NISCH: variants seen among roughly 807,000 people sequenced by gnomAD.
NISCH encodes the protein I-1 receptor candidate protein.
A neutral mutation model predicts 138.4 loss-of-function variants in NISCH; 55 were observed. That is an observed-to-expected ratio of 0.40 (90% confidence interval 0.32 to 0.50). The LOEUF is 0.50. Among genes scored for constraint, NISCH ranks in the 20% least tolerant of loss-of-function variants. The pLI, the probability that NISCH is intolerant of heterozygous loss-of-function variation, is 0.71. For missense variants in NISCH, 1,643 were observed against 2,005.5 expected, an observed-to-expected ratio of 0.82 and a Z score of 3.45; for synonymous variants, 860 against 861.5, an observed-to-expected ratio of 1.00 and a Z score of 0.03.
rs370185058 is a variant in NISCH, at chr3:52,491,518, C to T, written c.3904+5C>T. ...AGTTTGGGAACAAGACCACAGGTACCCCTGTCTAGCTCAGGCTGCAGACAG... is the reference window on the plus strand; with the variant it reads ...AGTTTGGGAACAAGACCACAGGTACTCCTGTCTAGCTCAGGCTGCAGACAG... On this transcript the variant is annotated splice_donor_5th_base_variant and intron_variant, in intron 20 of 20. Transcript: ENST00000345716. 2.5e-6 allele frequency: 4 copies of T among 1,609,156 alleles called. No homozygotes were observed. The highest frequency in any genetic ancestry group is 3.4e-6 in the Non-Finnish European group (4 of 1,177,628).
chr3:52,471,487 A>G (rs1706944487), intron 4 of NISCH: 2 of 441,992 alleles, frequency 4.5e-6, no homozygotes, highest in Non-Finnish European at 8.2e-6. Context: ...GTTGCAGCAT[A>G]GGTGTGTCAC....
At chr3:52,477,433 C>A in intron 8 of NISCH, 141 bp from the exon 9 acceptor site, 1 of 664,896 alleles carries the variant, frequency 1.5e-6, no homozygotes, top group Admixed American at 2.3e-5. Flanking sequence ...CGGGAGATGT[C>A]CCACCAGTGG....
At position 52,488,097 on chromosome 3, in the gene NISCH, C is replaced by G. The variant is rs1194657617; in HGVS notation, c.2605C>G (p.Gln869Glu). The G allele has an allele frequency of 1.2e-6, 2 of 1,612,788 alleles. No individual in the cohort carries two copies. The highest frequency in any genetic ancestry group is 1.7e-6 in the Non-Finnish European group (2 of 1,179,978). The change falls in exon 16 of 21, where the codon CAG (glutamine) becomes GAG (glutamate). Residue 869 changes from glutamine to glutamate, a missense_variant. Transcript: ENST00000345716. ...GGTCTACAGTGACAAGCGCATGGTG[C>G]AGACGGCCGCCGGGGACTACTCAGG... ...YLVYSDKRMV[Q>E]TAAGDYSGNI...
At position 52,492,822 on chromosome 3, in the gene NISCH, TC is replaced by T. The variant is rs1707608913; in HGVS notation, c.*342del. 1.0e-5 allele frequency: 3 copies of T among 289,982 alleles called. No individual in the cohort carries two copies. Among genetic ancestry groups the T allele is most frequent in the South Asian group, 5.6e-5 (1 of 17,966 alleles). 18.0% of individuals were successfully genotyped at this position (289,982 alleles called of 1,614,324 possible). A position where few individuals can be genotyped will look rare whatever the true frequency, so the allele number is the denominator to read the frequency against. Reference sequence around the variant, plus strand: ...TCCTTTCCTGAAGTGTCGAGTCCAGTCCTTTGTTGCTGTTGCTGTTGCTGTT... The same window carrying T: ...TCCTTTCCTGAAGTGTCGAGTCCAGTCTTTGTTGCTGTTGCTGTTGCTGTT... On this transcript the variant is annotated 3_prime_UTR_variant, in exon 21 of 21. Coordinates refer to ENST00000345716, the MANE Select transcript of NISCH (RefSeq NM_007184.4).
chr3:52,485,974 A>G, intron 15 of NISCH, 147 bp downstream of exon 15: 1 of 707,972 alleles, frequency 1.4e-6, no homozygotes, highest in Non-Finnish European at 2.4e-6. Flanking sequence ...AAAGAGACAC[A>G]GATGAGATGG....
At chr3:52,477,779 G>A in intron 9 of NISCH, 137 bp downstream of exon 9, 1 of 718,158 alleles carries the variant, frequency 1.4e-6, no homozygotes. Flanking sequence ...TAGGATCCCA[G>A]CAATGCACTG....
At chr3:52,467,721 T>G (rs1171958326) in intron 3 of NISCH, among the ~76,000 whole-genome samples, 2 of 152,252 alleles carry the variant, frequency 1.3e-5, no homozygotes, top group Non-Finnish European at 2.9e-5. Context: ...CCTTACTTTC[T>G]CTCAACTTTC....
intron 11 of NISCH, 44 bp downstream of exon 11, chr3:52,478,621 A>G: frequency 6.3e-7 from 1 of 1,587,166 alleles, no homozygotes; most frequent in Non-Finnish European, 8.7e-7. Flanking sequence ...GACCTTCGGG[A>G]TGCAGTCAAG....
rs780345530 is a variant in NISCH, at chr3:52,489,324, C to T, written c.3114-12C>T. On this transcript the variant is annotated splice_polypyrimidine_tract_variant and intron_variant, in intron 16 of 20. Transcript: ENST00000345716. Reference sequence around the variant, plus strand: ...GGTCCGCTGTTAATATGGTGTTTTTCGGGGGATACAGCAATGACCAGCGTC... The same window carrying T: ...GGTCCGCTGTTAATATGGTGTTTTTTGGGGGATACAGCAATGACCAGCGTC... The T allele has an allele frequency of 1.9e-5, 30 of 1,602,074 alleles. No individual in the cohort carries two copies. In the South Asian group the frequency reaches 1.9e-4, roughly 10 times the overall value.
At chr3:52,480,869 C>CT in intron 13 of NISCH, 2 of 1,535,212 alleles carry the variant, frequency 1.3e-6, no homozygotes, top group Middle Eastern at 3.3e-4. Context: ...GCTTTCACCT[C>CT]TGAACCCAGG....
intron 20 of NISCH, 118 bp downstream of exon 20, chr3:52,491,631 C>T (rs1158294068): frequency 7.1e-6 from 9 of 1,269,312 alleles, no homozygotes; most frequent in South Asian, 3.0e-5. Context: ...TCTCACTTAG[C>T]TGGCCAGGGT....
At chr3:52,464,673 C>T (rs559774570) in intron 3 of NISCH, among the ~76,000 whole-genome samples, 1 of 151,386 alleles carries the variant, frequency 6.6e-6, no homozygotes, top group Admixed American at 6.6e-5. Context: ...TACAGGCGTA[C>T]GCAACCACGT....
chr3:52,485,307 C>G (rs1707375878), intron 14 of NISCH, among the ~76,000 whole-genome samples: 1 of 152,230 alleles, frequency 6.6e-6, no homozygotes, highest in Non-Finnish European at 1.5e-5. Context: ...GTCCTCAGTA[C>G]TCCACAGTAT....
At chr3:52,460,026 C>G (rs575729083) in intron 3 of NISCH, among the ~76,000 whole-genome samples, 1 of 150,624 alleles carries the variant, frequency 6.6e-6, no homozygotes, top group Admixed American at 6.6e-5. Flanking sequence ...ACTAAGAATA[C>G]AAAAATTAGC....
intron 14 of NISCH, among the ~76,000 whole-genome samples, chr3:52,485,179 G>C (rs1707373616): frequency 6.6e-6 from 1 of 152,192 alleles, no homozygotes; most frequent in Non-Finnish European, 1.5e-5. Context: ...GAAAGCAAGG[G>C]TGCTTGCTGT....
At chr3:52,480,586 A>G in intron 13 of NISCH, 1 of 1,438,430 alleles carries the variant, frequency 7.0e-7, no homozygotes, top group Non-Finnish European at 9.1e-7. Context: ...CCCTCTGAAC[A>G]GGCTCGGGGC....
At chr3:52,482,546 T>C (rs1489868941) in intron 13 of NISCH, among the ~76,000 whole-genome samples, 1 of 152,218 alleles carries the variant, frequency 6.6e-6, no homozygotes, top group Non-Finnish European at 1.5e-5. Flanking sequence ...TGAAGCTGTT[T>C]TCTCAACTGT....
chr3:52,478,702 C>T, intron 11 of NISCH, 125 bp downstream of exon 11: 1 of 864,846 alleles, frequency 1.2e-6, no homozygotes, highest in East Asian at 2.7e-5. Context: ...GGTCCTGTCC[C>T]TTAGGGGCTT....
In NISCH at chr3:52,476,616, A is replaced by C; in HGVS notation, c.918+17A>C. 6.2e-7 allele frequency: 1 copy of C among 1,613,720 alleles called. No homozygotes were observed. The highest frequency in any genetic ancestry group is 8.5e-7 in the Non-Finnish European group (1 of 1,179,660). ...GAGTCTGTGGTATGCTCTCAGCAGC[A>C]GGTGCCAGGGGTTTCTCTGGCCCCA... On this transcript the variant is annotated intron_variant, in intron 8 of 20. Transcript: ENST00000345716.
Sources: gnomAD v4.1 joint callset for allele counts (sites outside exome capture counted in the v4.1 genomes callset) on GRCh38, gnomAD v4.1.1 for gene constraint, MANE v1.5 for transcripts, NCBI Gene and HGNC (gene_info 2026-07-23, HGNC 2026-07-21) for gene names.